The following CACNA2D1 variants were observed in gnomAD, a reference collection of about 807,000 sequenced individuals.
CACNA2D1 encodes the protein voltage-dependent calcium channel subunit alpha-2/delta-1.
In CACNA2D1, 53 loss-of-function variants were observed where a neutral mutation model predicts 171.5. The observed-to-expected ratio is 0.31, with a 90% CI of 0.25 to 0.39. CACNA2D1 has a LOEUF of 0.39. Ranked by LOEUF, CACNA2D1 falls within the 10% of genes least tolerant of loss-of-function variation. The pLI is 1.00. For missense variants in CACNA2D1, 903 were observed against 1,299.8 expected (o/e 0.69, Z 4.69); for synonymous variants, 442 against 443.1 (o/e 1.00, Z 0.03).
At chr7:82,371,810 A>C (rs997576119) in intron 1 of CACNA2D1, among the ~76,000 whole-genome samples, 6 of 152,094 alleles carry the variant, frequency 3.9e-5, no homozygotes, top group Non-Finnish European at 8.8e-5. Flanking sequence ...TCCTGACCTC[A>C]GGTGATCTGC....
At chr7:82,326,432 G>A (rs941471505) in intron 3 of CACNA2D1, among the ~76,000 whole-genome samples, 4 of 152,106 alleles carry the variant, frequency 2.6e-5, no homozygotes, top group African/African-American at 9.7e-5. Flanking sequence ...GTAAGCTTGG[G>A]CAAATTATTG....
chr7:82,378,260 G>A lies in CACNA2D1; in HGVS notation c.96-28611C>T, dbSNP rs111401186. On this transcript the variant is annotated intron_variant, in intron 1 of 38. Coordinates refer to ENST00000356860, the MANE Select transcript of CACNA2D1 (RefSeq NM_000722.4). ...AAAAAATGTTTTTAATTAGCTGGGC[G>A]TGGTGGCATGTGCCTGTAGTCCCAG... Among the ~76,000 whole-genome samples, 956 of 152,212 alleles carry A rather than the reference G, an allele frequency of 6.3e-3. 11 individuals are homozygous for A. The highest frequency in any genetic ancestry group is 0.052 in the South Asian group (252 of 4,822).
intron 3 of CACNA2D1, among the ~76,000 whole-genome samples, chr7:82,318,227 T>A (rs137919672): frequency 6.8e-4 from 104 of 152,286 alleles, no homozygotes; most frequent in African/African-American, 2.3e-3. Flanking sequence ...GTCTCATTGC[T>A]AATTAAAAAA....
intron 7 of CACNA2D1, among the ~76,000 whole-genome samples, chr7:82,083,854 T>G (rs944340678): frequency 6.6e-6 from 1 of 152,150 alleles, no homozygotes. Context: ...ATTTCACCCT[T>G]ATTTACTGCT....
At chr7:82,307,866 T>C (rs986149041) in intron 3 of CACNA2D1, among the ~76,000 whole-genome samples, 1 of 152,208 alleles carries the variant, frequency 6.6e-6, no homozygotes, top group Admixed American at 6.5e-5. Context: ...TACTGGCAGT[T>C]TGTCCCAGCA....
intron 1 of CACNA2D1, among the ~76,000 whole-genome samples, chr7:82,414,064 C>T (rs1827939445): frequency 6.6e-6 from 1 of 152,116 alleles, no homozygotes; most frequent in South Asian, 2.1e-4. Context: ...CTGGTGTCTG[C>T]ACTTCATCAC....
chr7:82,435,409 T>C (rs770248763), intron 1 of CACNA2D1, among the ~76,000 whole-genome samples: 5 of 152,100 alleles, frequency 3.3e-5, no homozygotes, highest in Non-Finnish European at 7.4e-5. Context: ...ACGATCAACC[T>C]ACTCCCACTC....
chr7:82,380,033 C>G (rs935067287), intron 1 of CACNA2D1, among the ~76,000 whole-genome samples: 1 of 152,124 alleles, frequency 6.6e-6, no homozygotes, highest in Admixed American at 6.5e-5. Context: ...CCTTCATCAT[C>G]CCATAACCCA....
rs943127546 is a variant in CACNA2D1, at chr7:82,353,195, G to A, written c.96-3546C>T. Among the ~76,000 whole-genome samples, 53 of 152,128 alleles carry A rather than the reference G, an allele frequency of 3.5e-4. 1 individual carries two copies. The highest frequency in any genetic ancestry group is 3.4e-3 in the Middle Eastern group (1 of 294). On this transcript the variant is annotated intron_variant, in intron 1 of 38. Coordinates refer to ENST00000356860, the MANE Select transcript of CACNA2D1 (RefSeq NM_000722.4). ...TGAAAGGGATAAAGGGAAAAGAAGG[G>A]GAGGCCAAGTACAAGGAACTAGCTC...
At chr7:82,025,293 T>C (rs946546090) in intron 12 of CACNA2D1, among the ~76,000 whole-genome samples, 1 of 151,702 alleles carries the variant, frequency 6.6e-6, no homozygotes, top group Non-Finnish European at 1.5e-5. Context: ...TGTCTTTCCA[T>C]TGGTGTCTTC....
chr7:82,077,639 A>C (rs1809153243), intron 7 of CACNA2D1, among the ~76,000 whole-genome samples: 1 of 152,144 alleles, frequency 6.6e-6, no homozygotes. Context: ...TAACTAATAC[A>C]CTGGACTTTA....
chr7:82,399,370 G>A (rs1241986986), intron 1 of CACNA2D1, among the ~76,000 whole-genome samples: 1 of 151,702 alleles, frequency 6.6e-6, no homozygotes, highest in African/African-American at 2.4e-5. Context: ...AACCCAGGAG[G>A]CGGAGGCTGC....
At chr7:81,962,575 T>C (rs1794270852) in intron 34 of CACNA2D1, 80 bp from the exon 35 acceptor site, 1 of 820,992 alleles carries the variant, frequency 1.2e-6, no homozygotes, top group Non-Finnish European at 2.0e-6. Flanking sequence ...ATAAATACTG[T>C]TTCCCTTTAT....
At chr7:82,136,238 G>C (rs1470162525) in intron 5 of CACNA2D1, among the ~76,000 whole-genome samples, 1 of 152,134 alleles carries the variant, frequency 6.6e-6, no homozygotes, top group Non-Finnish European at 1.5e-5. Flanking sequence ...GAAGTAAATG[G>C]TTCTCCCTGG....
intron 11 of CACNA2D1, among the ~76,000 whole-genome samples, chr7:82,037,057 A>G (rs1418628202): frequency 6.6e-6 from 1 of 152,180 alleles, no homozygotes; most frequent in Non-Finnish European, 1.5e-5. Context: ...TAAGGTTCCT[A>G]CTCTCAAACA....
At chr7:82,150,284 A>AAAAAAAAAAC (rs1554432527) in intron 4 of CACNA2D1, among the ~76,000 whole-genome samples, 42 of 137,452 alleles carry the variant, frequency 3.1e-4, no homozygotes, top group Non-Finnish European at 4.8e-4. Context: ...AACAACAACA[A>AAAAAAAAAAC]AAAAAAACAC....
At chr7:82,291,254 A>G (rs1811525104) in intron 3 of CACNA2D1, among the ~76,000 whole-genome samples, 1 of 141,310 alleles carries the variant, frequency 7.1e-6, no homozygotes, top group African/African-American at 2.6e-5. Context: ...TAATATATAT[A>G]CTATATAGAA....
At chr7:82,079,709 A>G (rs1809457167) in intron 7 of CACNA2D1, among the ~76,000 whole-genome samples, 1 of 151,176 alleles carries the variant, frequency 6.6e-6, no homozygotes, top group African/African-American at 2.4e-5. Context: ...AAAAAAAAAA[A>G]GTTGACGTCA....
intron 6 of CACNA2D1, among the ~76,000 whole-genome samples, chr7:82,102,130 C>T (rs258671): frequency 0.37 from 56,721 of 151,324 alleles, 10,957 homozygotes; most frequent in East Asian, 0.42. Flanking sequence ...AAAATCGGGA[C>T]TAAAGAGAAA....
Sources: gnomAD v4.1 joint callset for allele counts (sites outside exome capture counted in the v4.1 genomes callset) on GRCh38, gnomAD v4.1.1 for gene constraint, MANE v1.5 for transcripts, NCBI Gene and HGNC (gene_info 2026-07-23, HGNC 2026-07-21) for gene names.